Variants in CASK observed in about 807,000 individuals in gnomAD.
The protein encoded by CASK is peripheral plasma membrane protein CASK.
A neutral mutation model predicts 82.9 loss-of-function variants in CASK; 4 were observed. That is an observed-to-expected ratio of 0.05 (90% CI 0.02 to 0.11). The LOEUF is 0.11. Ranked by LOEUF, CASK falls within the 10% of genes least tolerant of loss-of-function variation. The pLI, the probability that CASK is intolerant of heterozygous loss-of-function variation, is 1.00. For synonymous variants in CASK, 259 were observed against 253.5 expected, an observed-to-expected ratio of 1.02 and a Z score of -0.20; for missense variants, 358 against 720.9, an observed-to-expected ratio of 0.50 and a Z score of 5.76.
chrX:41,852,246 G>A (rs1239866533), intron 2 of CASK, among the ~76,000 whole-genome samples: 1 of 111,232 alleles, frequency 9.0e-6, no homozygotes, highest in Admixed American at 9.6e-5. Flanking sequence ...CAATATGTGG[G>A]CTTCTACTTC....
At chrX:41,524,071 A>G in intron 25 of CASK, 37 bp from the exon 26 acceptor site, 1 of 968,437 alleles carries the variant, frequency 1.0e-6, no homozygotes, top group Non-Finnish European at 1.4e-6. Flanking sequence ...CCGACTTAAA[A>G]GAAGAAATAA....
At chrX:41,792,595 A>G (rs938588427) in intron 2 of CASK, among the ~76,000 whole-genome samples, 2 of 111,273 alleles carry the variant, frequency 1.8e-5, no homozygotes, top group African/African-American at 6.5e-5. Context: ...TAGCTCAATA[A>G]AGATTTTGAT....
At chrX:41,680,321 A>G (rs1315213660) in intron 5 of CASK, among the ~76,000 whole-genome samples, 1 of 109,951 alleles carries the variant, frequency 9.1e-6, no homozygotes, top group Non-Finnish European at 1.9e-5. Flanking sequence ...AACTCTACTA[A>G]AAATACAAAA....
chrX:41,679,900 G>C (rs974269212), intron 5 of CASK, among the ~76,000 whole-genome samples: 4 of 111,690 alleles, frequency 3.6e-5, no homozygotes, highest in Non-Finnish European at 7.5e-5. Context: ...TCTTTTTAGT[G>C]CAAAAAACGA....
intron 5 of CASK, chrX:41,726,862 T>C (rs2068269589): frequency 9.3e-6 from 3 of 323,748 alleles, no homozygotes; most frequent in Non-Finnish European, 1.6e-5. Flanking sequence ...CCATCTATAC[T>C]TTCCCGTTCC....
chrX:41,774,578 T>A (rs761494530), intron 3 of CASK, among the ~76,000 whole-genome samples: 260 of 111,090 alleles, frequency 2.3e-3, no homozygotes, highest in Middle Eastern at 4.6e-3. Context: ...CATTGCCAAG[T>A]CAATCCTAAG....
chrX:41,573,075 CTTTTTTTTTTT>C (rs147599527), intron 15 of CASK, among the ~76,000 whole-genome samples: 1 of 87,938 alleles, frequency 1.1e-5, no homozygotes, highest in Non-Finnish European at 2.3e-5. Context: ...TTTCTTTTTT[CTTTTTTTTTTT>C]TTTTTTGAGA....
At chrX:41,825,525 C>T (rs929982102) in intron 2 of CASK, among the ~76,000 whole-genome samples, 2 of 112,034 alleles carry the variant, frequency 1.8e-5, no homozygotes, top group African/African-American at 6.5e-5. Context: ...CCAAAAACAG[C>T]AAAGTATGTT....
chrX:41,884,294 T>C (rs187758331), intron 1 of CASK, among the ~76,000 whole-genome samples: 2 of 112,023 alleles, frequency 1.8e-5, no homozygotes, highest in African/African-American at 6.5e-5. Flanking sequence ...TATGTAACAA[T>C]GAAGGAGGGG....
intron 22 of CASK, among the ~76,000 whole-genome samples, chrX:41,537,560 A>G (rs1205000235): frequency 9.0e-6 from 1 of 111,260 alleles, no homozygotes; most frequent in African/African-American, 3.3e-5. Context: ...TATAATATGT[A>G]TAAAATAAAC....
chrX:41,551,695 G>A (rs1378807503), intron 21 of CASK, among the ~76,000 whole-genome samples: 1 of 108,344 alleles, frequency 9.2e-6, no homozygotes, highest in Non-Finnish European at 1.9e-5. Context: ...AGGAGTTCAC[G>A]ACCAGCCTGG....
At chrX:41,821,892 C>A (rs1037122405) in intron 2 of CASK, among the ~76,000 whole-genome samples, 1 of 111,889 alleles carries the variant, frequency 8.9e-6, no homozygotes, top group African/African-American at 3.3e-5. Context: ...AGTCAACAGC[C>A]AGCATCAATG....
At chrX:41,749,586 C>T (rs1408586845) in intron 3 of CASK, among the ~76,000 whole-genome samples, 3 of 106,443 alleles carry the variant, frequency 2.8e-5, no homozygotes, top group East Asian at 3.0e-4. Flanking sequence ...AGGATTTCAC[C>T]GTCTTGGCCA....
chrX:41,559,912 T>C lies in CASK; in HGVS notation c.1669-65A>G, dbSNP rs2065205177. On this transcript the variant is annotated intron_variant, in intron 17 of 26. Transcript: ENST00000378163. Reference sequence around the variant, plus strand: ...ACAAACAATTGTTCACAAAACCATGTAAGAAGCCACTCAAAACACATGGGG... The same window carrying C: ...ACAAACAATTGTTCACAAAACCATGCAAGAAGCCACTCAAAACACATGGGG... The C allele has an allele frequency of 3.0e-6, 3 of 1,001,909 alleles. No individual in the cohort carries two copies. The South Asian group carries it at 6.0e-5, about 20-fold the overall frequency. 82.6% of individuals were successfully genotyped at this position (1,001,909 alleles called of 1,213,427 possible).
chrX:41,818,189 G>A (rs942249224), intron 2 of CASK, among the ~76,000 whole-genome samples: 2 of 104,908 alleles, frequency 1.9e-5, no homozygotes, highest in Non-Finnish European at 4.0e-5. Flanking sequence ...GTGTGTGTGT[G>A]TGTGTTTGCT....
intron 1 of CASK, among the ~76,000 whole-genome samples, chrX:41,860,079 G>GTCC (rs969310573): frequency 2.7e-5 from 3 of 110,758 alleles, no homozygotes. Flanking sequence ...AACTTAATGA[G>GTCC]TACCCAGTAC....
At chrX:41,624,270 C>A in intron 10 of CASK, 1 of 354,065 alleles carries the variant, frequency 2.8e-6, no homozygotes, top group East Asian at 8.1e-5. Flanking sequence ...AGACGTGAAA[C>A]AATAAGAAGC....
intron 5 of CASK, among the ~76,000 whole-genome samples, chrX:41,707,677 T>C (rs1207351886): frequency 9.0e-6 from 1 of 111,389 alleles, no homozygotes; most frequent in Admixed American, 9.6e-5. Flanking sequence ...AAGCTTTGTG[T>C]GTGTGCATGA....
intron 14 of CASK, among the ~76,000 whole-genome samples, chrX:41,579,085 C>T (rs755791946): frequency 9.0e-6 from 1 of 111,482 alleles, no homozygotes; most frequent in Admixed American, 9.5e-5. Context: ...CAAATTTGTG[C>T]TGGGGCTTAG....
Sources: allele counts gnomAD v4.1 joint callset (sites outside exome capture counted in the v4.1 genomes callset), GRCh38; gene constraint gnomAD v4.1.1; transcripts MANE v1.5; gene names NCBI Gene and HGNC (gene_info 2026-07-23, HGNC 2026-07-21).